The following ANO10 variants were observed in gnomAD, a reference collection of about 807,000 sequenced individuals.
ANO10 encodes anoctamin-10.
In ANO10, 77 loss-of-function variants were observed where a neutral mutation model predicts 74.7. The observed-to-expected ratio is 1.03, with a 90% CI of 0.86 to 1.25. The LOEUF (loss-of-function observed/expected upper bound fraction) is 1.25, where lower values mean the gene tolerates loss of function less well. ANO10 is among the 50% of genes most tolerant of loss of function. ANO10 has a pLI of 0.00. For missense variants in ANO10, 721 were observed against 778.1 expected (o/e 0.93, Z 0.87); for synonymous variants, 279 against 284.9 (o/e 0.98, Z 0.21).
intron 11 of ANO10, among the ~76,000 whole-genome samples, chr3:43,544,872 G>A (rs1283620152): frequency 4.0e-5 from 6 of 149,502 alleles, no homozygotes; most frequent in African/African-American, 4.9e-5. Context: ...ATGTGATCCA[G>A]AAAAGCAATA....
intron 1 of ANO10, among the ~76,000 whole-genome samples, chr3:43,687,003 A>AT (rs59861590): frequency 0.044 from 6,301 of 142,896 alleles, 172 homozygotes; most frequent in Non-Finnish European, 0.062. Context: ...AAGTCATGTG[A>AT]TTTTTTTTTT....
At chr3:43,611,011 C>T (rs1384558783) in intron 1 of ANO10, among the ~76,000 whole-genome samples, 3 of 152,086 alleles carry the variant, frequency 2.0e-5, no homozygotes, top group Non-Finnish European at 2.9e-5. Flanking sequence ...AATCCTTTTT[C>T]CTTGGTTCCT....
intron 12 of ANO10, among the ~76,000 whole-genome samples, chr3:43,376,557 G>A (rs1362990356): frequency 8.5e-5 from 13 of 152,190 alleles, no homozygotes; most frequent in African/African-American, 2.7e-4. Context: ...TCAACTATGT[G>A]TGTTATGGCA....
chr3:43,655,650 C>T (rs2083841096), intron 1 of ANO10, among the ~76,000 whole-genome samples: 2 of 152,044 alleles, frequency 1.3e-5, no homozygotes, highest in Admixed American at 6.6e-5. Flanking sequence ...CTCCACCTCC[C>T]CATCAGATCA....
intron 12 of ANO10, among the ~76,000 whole-genome samples, chr3:43,373,268 A>ATG (rs2091682986): frequency 6.6e-6 from 1 of 152,052 alleles, no homozygotes; most frequent in East Asian, 1.9e-4. Flanking sequence ...GCAAGCTCAG[A>ATG]TGTGGCTCTG....
At chr3:43,646,815 T>G (rs1242956240) in intron 1 of ANO10, among the ~76,000 whole-genome samples, 2 of 152,194 alleles carry the variant, frequency 1.3e-5, no homozygotes, top group Non-Finnish European at 2.9e-5. Flanking sequence ...TGGCCTCTTC[T>G]TTCTTTACAT....
chr3:43,509,905 G>C (rs962540265), intron 11 of ANO10, among the ~76,000 whole-genome samples: 3 of 152,152 alleles, frequency 2.0e-5, no homozygotes, highest in Non-Finnish European at 4.4e-5. Context: ...TATATTGAAT[G>C]AATCTCCAGG....
chr3:43,565,664 G>T lies in ANO10; in HGVS notation c.1282C>A (p.Leu428Ile). Residue 428 changes from leucine to isoleucine, a missense_variant, in exon 8 of 13, where the codon CTT becomes ATT. By Grantham distance (5) the Leu-to-Ile change is conservative. Transcript: ENST00000292246. ...YIAFVLKDMK[L>I]LRQSLATLLI... ...TTATTTTTACTTACCTGGCGCAAAA[G>T]CTTCATATCTTTCAAGACAAAGGCA... 6.3e-7 allele frequency: 1 copy of T among 1,580,576 alleles called. No homozygotes were observed. The highest frequency in any genetic ancestry group is 8.6e-7 in the Non-Finnish European group (1 of 1,163,618).
In ANO10 at chr3:43,399,482, A is replaced by G. The variant is rs1575667391; in HGVS notation, c.1915-32508T>C. Among the ~76,000 whole-genome samples the G allele has an allele frequency of 2.6e-5, 4 of 152,288 alleles. No individual in the cohort carries two copies. In the South Asian group the frequency reaches 8.3e-4, roughly 32 times the overall value. On this transcript the variant is annotated intron_variant, in intron 12 of 12. Coordinates refer to ENST00000292246, the MANE Select transcript of ANO10 (RefSeq NM_018075.5). ...GTCTGTCTCTATTGGGGCTCTTCAA[A>G]TATCTCATGATCCTTGGTGGTTTCT... is the stretch of plus-strand genomic sequence containing the variant.
intron 1 of ANO10, among the ~76,000 whole-genome samples, chr3:43,654,895 T>C (rs2083829794): frequency 6.6e-6 from 1 of 152,230 alleles, no homozygotes; most frequent in Non-Finnish European, 1.5e-5. Flanking sequence ...TTCACACATA[T>C]CAGTTTTCTC....
At chr3:43,380,299 A>G (rs1417824177) in intron 12 of ANO10, among the ~76,000 whole-genome samples, 2 of 152,186 alleles carry the variant, frequency 1.3e-5, no homozygotes, top group Non-Finnish European at 2.9e-5. Flanking sequence ...GCATTGCTAG[A>G]AATCTAACAT....
intron 12 of ANO10, among the ~76,000 whole-genome samples, chr3:43,385,160 T>G (rs1276890073): frequency 1.3e-5 from 2 of 151,996 alleles, no homozygotes; most frequent in East Asian, 3.8e-4. Context: ...AACAAGCATA[T>G]GAAAAAATGC....
chr3:43,540,940 CACA>C (rs1333321810), intron 11 of ANO10, among the ~76,000 whole-genome samples: 2 of 152,032 alleles, frequency 1.3e-5, no homozygotes, highest in Non-Finnish European at 2.9e-5. Context: ...TAATTATTCC[CACA>C]ACATTAGGAG....
intron 1 of ANO10, among the ~76,000 whole-genome samples, chr3:43,644,767 C>G (rs1052917956): frequency 6.6e-5 from 10 of 152,246 alleles, no homozygotes; most frequent in Non-Finnish European, 1.3e-4. Flanking sequence ...GCAGCTCTTG[C>G]TGACTTCTGA....
At chr3:43,441,936 G>A (rs1025471289) in intron 11 of ANO10, among the ~76,000 whole-genome samples, 7 of 151,940 alleles carry the variant, frequency 4.6e-5, no homozygotes, top group African/African-American at 7.3e-5. Flanking sequence ...AAAAGTATAC[G>A]ACAAAATTCA....
At chr3:43,432,061 T>A (rs139364966) in intron 12 of ANO10, among the ~76,000 whole-genome samples, 77 of 151,860 alleles carry the variant, frequency 5.1e-4, no homozygotes, top group African/African-American at 1.8e-3. Flanking sequence ...GGATCTTCTG[T>A]CTACTCCCAC....
intron 11 of ANO10, among the ~76,000 whole-genome samples, chr3:43,519,500 G>A (rs1030362015): frequency 3.9e-5 from 6 of 152,178 alleles, no homozygotes; most frequent in Non-Finnish European, 8.8e-5. Flanking sequence ...TTGCAATGGG[G>A]CACCGTCCAA....
intron 11 of ANO10, among the ~76,000 whole-genome samples, chr3:43,529,275 A>G (rs2078347991): frequency 6.6e-6 from 1 of 152,238 alleles, no homozygotes; most frequent in Non-Finnish European, 1.5e-5. Flanking sequence ...AAAGTATTTT[A>G]AAATCCAGCC....
chr3:43,641,460 G>A (rs537984497), intron 1 of ANO10, among the ~76,000 whole-genome samples: 1 of 152,278 alleles, frequency 6.6e-6, no homozygotes, highest in African/African-American at 2.4e-5. Context: ...AGAGCCCAAT[G>A]AGAACCTGTG....
Sources: gnomAD v4.1 joint callset for allele counts (sites outside exome capture counted in the v4.1 genomes callset) on GRCh38, gnomAD v4.1.1 for gene constraint, MANE v1.5 for transcripts, NCBI Gene and HGNC (gene_info 2026-07-23, HGNC 2026-07-21) for gene names.